TRABD2B: variants seen among roughly 807,000 people sequenced by gnomAD.
The protein encoded by TRABD2B is TraB domain containing 2B.
A neutral mutation model predicts 40.1 loss-of-function variants in TRABD2B; 14 were observed. The observed-to-expected ratio is 0.35, with a 90% CI of 0.23 to 0.55. TRABD2B has a LOEUF of 0.55. Among genes scored for constraint, TRABD2B ranks in the 20% least tolerant of loss-of-function variants. TRABD2B has a pLI of 0.90. For missense variants in TRABD2B, 541 were observed against 648.6 expected (o/e 0.83, Z 1.80); for synonymous variants, 263 against 277.0 (o/e 0.95, Z 0.50).
intron 2 of TRABD2B, among the ~76,000 whole-genome samples, chr1:47,915,748 G>A (rs1213087420): frequency 6.6e-6 from 1 of 152,156 alleles, no homozygotes; most frequent in Non-Finnish European, 1.5e-5. Context: ...GCCTTTGGGG[G>A]ATGTGCTGTC....
chr1:47,807,948 G>C (rs1401162079), intron 2 of TRABD2B, among the ~76,000 whole-genome samples: 1 of 152,110 alleles, frequency 6.6e-6, no homozygotes, highest in Non-Finnish European at 1.5e-5. Flanking sequence ...ACTGAGAAGG[G>C]GTGAACTTGT....
At chr1:47,953,261 T>C (rs962800436) in intron 2 of TRABD2B, among the ~76,000 whole-genome samples, 1 of 152,166 alleles carries the variant, frequency 6.6e-6, no homozygotes, top group African/African-American at 2.4e-5. Flanking sequence ...AGAACCAGCT[T>C]TTTGAGAGAA....
At chr1:47,916,811 C>T (rs186759910) in intron 2 of TRABD2B, among the ~76,000 whole-genome samples, 1 of 152,352 alleles carries the variant, frequency 6.6e-6, no homozygotes, top group East Asian at 1.9e-4. Flanking sequence ...GTTGCCTTCT[C>T]TTGTCTCTTT....
intron 2 of TRABD2B, among the ~76,000 whole-genome samples, chr1:47,849,643 C>T (rs1645520256): frequency 6.6e-6 from 1 of 152,210 alleles, no homozygotes; most frequent in Non-Finnish European, 1.5e-5. Context: ...CTTTACCTCT[C>T]TGTCTCCATC....
intron 2 of TRABD2B, among the ~76,000 whole-genome samples, chr1:47,909,463 A>G (rs142466076): frequency 3.4e-4 from 46 of 133,942 alleles, no homozygotes; most frequent in Non-Finnish European, 4.3e-4. Context: ...AAGGAGAAGG[A>G]GAAGGGGAAG....
intron 2 of TRABD2B, among the ~76,000 whole-genome samples, chr1:47,887,209 C>T (rs910293414): frequency 6.6e-6 from 1 of 152,118 alleles, no homozygotes; most frequent in Non-Finnish European, 1.5e-5. Flanking sequence ...GGCAGAAGTT[C>T]CTATTACTGC....
chr1:47,802,727 C>A (rs2124289983), intron 2 of TRABD2B, among the ~76,000 whole-genome samples: 1 of 152,258 alleles, frequency 6.6e-6, no homozygotes, highest in African/African-American at 2.4e-5. Context: ...CCCAGCATTT[C>A]TCGTTGAGTC....
At chr1:47,988,747 C>T (rs554560456) in intron 2 of TRABD2B, among the ~76,000 whole-genome samples, 1 of 152,288 alleles carries the variant, frequency 6.6e-6, no homozygotes. Context: ...AGACCTGGGC[C>T]AACACTGGAA....
chr1:47,958,186 C>A (rs1645453516), intron 2 of TRABD2B, among the ~76,000 whole-genome samples: 1 of 147,782 alleles, frequency 6.8e-6, no homozygotes, highest in African/African-American at 2.5e-5. Context: ...ACCAGGCCTG[C>A]CTTACAAGAG....
intron 3 of TRABD2B, among the ~76,000 whole-genome samples, chr1:47,796,903 G>T (rs1644756751): frequency 6.6e-6 from 1 of 152,236 alleles, no homozygotes; most frequent in Non-Finnish European, 1.5e-5. Flanking sequence ...GAAAGCCCAT[G>T]ACTCAGAGGA....
rs190929021 is a variant in TRABD2B at position 47,939,579 on chromosome 1, C to T, written c.666+54455G>A. Among the ~76,000 whole-genome samples the T allele has an allele frequency of 5.2e-4, 79 of 152,254 alleles. No individual in the cohort carries two copies. The Middle Eastern group carries it at 0.01, about 20-fold the overall frequency. On this transcript the variant is annotated intron_variant, in intron 2 of 6. Transcript: ENST00000606738. ...GACAGGGACACTGTAATCCCCTGGA[C>T]AGAAAAATTACGGGAGCTTGAAGAG...
chr1:47,803,519 T>C (rs1466396325), intron 2 of TRABD2B, among the ~76,000 whole-genome samples: 1 of 152,010 alleles, frequency 6.6e-6, no homozygotes, highest in African/African-American at 2.4e-5. Context: ...CCAATCCCCA[T>C]ACATGCAAAC....
intron 2 of TRABD2B, among the ~76,000 whole-genome samples, chr1:47,817,205 T>TCC (rs575912456): frequency 1.3e-5 from 2 of 151,170 alleles, no homozygotes; most frequent in Non-Finnish European, 3.0e-5. Flanking sequence ...ATGTTTTCCA[T>TCC]CCCCCCCAAC....
intron 2 of TRABD2B, among the ~76,000 whole-genome samples, chr1:47,875,269 T>C (rs1644207001): frequency 3.3e-5 from 5 of 151,526 alleles, no homozygotes; most frequent in Admixed American, 3.3e-4. Flanking sequence ...AGACTGAAAA[T>C]TTCCTACCAC....
At chr1:47,806,797 G>T (rs897080657) in intron 2 of TRABD2B, among the ~76,000 whole-genome samples, 10 of 152,200 alleles carry the variant, frequency 6.6e-5, no homozygotes, top group Non-Finnish European at 1.0e-4. Context: ...TGGAATGGTA[G>T]ACTTGAAGGC....
At chr1:47,808,239 C>A (rs1053891560) in intron 2 of TRABD2B, among the ~76,000 whole-genome samples, 2 of 152,164 alleles carry the variant, frequency 1.3e-5, no homozygotes, top group African/African-American at 4.8e-5. Flanking sequence ...ATTTCCAGCC[C>A]GCTGGCCTGC....
chr1:47,969,220 C>T (rs1645646159), intron 2 of TRABD2B, among the ~76,000 whole-genome samples: 1 of 152,188 alleles, frequency 6.6e-6, no homozygotes, highest in Non-Finnish European at 1.5e-5. Context: ...GCAAGTGGAT[C>T]CACAAGCAGG....
intron 2 of TRABD2B, among the ~76,000 whole-genome samples, chr1:47,977,074 T>C (rs1645766841): frequency 6.6e-6 from 1 of 151,494 alleles, no homozygotes; most frequent in Admixed American, 6.6e-5. Flanking sequence ...AGTCCTTTTT[T>C]TTTTTTTTTT....
At chr1:47,952,571 A>G (rs1178116646) in intron 2 of TRABD2B, among the ~76,000 whole-genome samples, 1 of 150,202 alleles carries the variant, frequency 6.7e-6, no homozygotes, top group Non-Finnish European at 1.5e-5. Context: ...ATCCTCCAGG[A>G]CTCCTTCCCT....
Sources: gnomAD v4.1 joint callset for allele counts (sites outside exome capture counted in the v4.1 genomes callset) on GRCh38, gnomAD v4.1.1 for gene constraint, MANE v1.5 for transcripts, NCBI Gene and HGNC (gene_info 2026-07-23, HGNC 2026-07-21) for gene names.